JADE1: variants seen among roughly 807,000 people sequenced by gnomAD.
JADE1 encodes the protein protein Jade-1.
A neutral mutation model predicts 81.8 loss-of-function variants in JADE1; 14 were observed. That is an observed-to-expected ratio of 0.17 (90% confidence interval 0.11 to 0.27). JADE1 has a LOEUF of 0.27. Among genes scored for constraint, JADE1 ranks in the 10% least tolerant of loss-of-function variants. JADE1 has a pLI of 1.00. For synonymous variants in JADE1, 353 were observed against 391.9 expected (o/e 0.90, Z 1.17); for missense variants, 690 against 1,047.9 (o/e 0.66, Z 4.71).
At position 128,871,831 on chromosome 4, in the gene JADE1, G is replaced by C. The variant is rs1298196271; in HGVS notation, c.2098G>C (p.Ala700Pro). The C allele has an allele frequency of 5.0e-6, 8 of 1,614,118 alleles. No individual in the cohort carries two copies. The highest frequency in any genetic ancestry group is 6.8e-6 in the Non-Finnish European group (8 of 1,179,996). ...CCAGAGGCATCTGGACAACACAAGA[G>C]CTGCCACCTCCCCTGGAGTGGGGCA... ...VSQRHLDNTR[A>P]ATSPGVGQSA... The change falls in exon 11 of 11, where the codon GCT becomes CCT. Residue 700 changes from alanine (A) to proline (P), a missense_variant. Transcript: ENST00000226319. This position sits in a 1 kb window ranked among gnomAD's most constrained non-coding sequence, Gnocchi z 4.1.
Position 128,861,845 on chromosome 4 carries a change from G to A in JADE1, c.1123G>A (p.Glu375Lys), listed in dbSNP as rs753338723. 13 of 1,614,082 alleles carry A rather than the reference G, an allele frequency of 8.1e-6. No homozygotes were observed. In the Admixed American group the frequency reaches 1.3e-4, roughly 17 times the overall value. The change falls in exon 9 of 11, where the codon GAG becomes AAG. Residue 375 changes from glutamate (E) to lysine (K), a missense_variant. This residue lies in a region of JADE1 where 77 missense variants were observed against 76.4 expected (regional missense o/e 1.01). Coordinates refer to ENST00000226319, the MANE Select transcript of JADE1 (RefSeq NM_199320.4). Reference sequence around the variant, plus strand: ...AAAGCACAGCTCACATAGGAAACCCGAGGAGAGTCTTGGCAAGGGGGCTGC... The same window carrying A: ...AAAGCACAGCTCACATAGGAAACCCAAGGAGAGTCTTGGCAAGGGGGCTGC... ...CPKHSSHRKP[E>K]ESLGKGAAQE...
chr4:128,861,124 G>T (rs1410840603), intron 8 of JADE1, among the ~76,000 whole-genome samples: 1 of 152,204 alleles, frequency 6.6e-6, no homozygotes, highest in Non-Finnish European at 1.5e-5. Context: ...TCTTCCCAAG[G>T]AGGTTCTTAT....
intron 1 of JADE1, among the ~76,000 whole-genome samples, chr4:128,820,114 ATTTCTT>A (rs1170728180): frequency 2.0e-5 from 3 of 149,644 alleles, no homozygotes; most frequent in Admixed American, 6.6e-5. Flanking sequence ...TTTTGGGAAG[ATTTCTT>A]TTTTTTTTTG....
At chr4:128,831,695 T>G in intron 1 of JADE1, 38 bp from the exon 2 acceptor site, 2 of 1,568,650 alleles carry the variant, frequency 1.3e-6, no homozygotes, top group Non-Finnish European at 1.8e-6. Flanking sequence ...GATTGTGTAT[T>G]ATCATCTTGG....
intron 9 of JADE1, chr4:128,864,767 A>C: frequency 4.2e-6 from 1 of 237,078 alleles, no homozygotes; most frequent in Non-Finnish European, 6.9e-6. Context: ...ATAAGTAGCC[A>C]TCATTAGAAA....
In JADE1 at chr4:128,871,949, C is replaced by G. The variant is rs199581708; in HGVS notation, c.2216C>G (p.Thr739Arg). The G allele has an allele frequency of 2.3e-5, 37 of 1,613,974 alleles. No homozygotes were observed. The highest frequency in any genetic ancestry group is 3.1e-5 in the Non-Finnish European group (36 of 1,179,960). ...AATCAGACTGCAGTCAAAGTGCCTACAACACCTGCCAGCCCAGTGAAAAAC... is the reference window on the plus strand; with the variant it reads ...AATCAGACTGCAGTCAAAGTGCCTAGAACACCTGCCAGCCCAGTGAAAAAC... ...NYNQTAVKVP[T>R]TPASPVKNWG... Residue 739 changes from threonine to arginine, a missense_variant, in exon 11 of 11, where the codon ACA becomes AGA. Physicochemically the swap from Thr to Arg is moderately conservative, Grantham distance 71. This residue lies in a region of JADE1 where 218 missense variants were observed against 274.3 expected (regional missense o/e 0.79). Coordinates refer to ENST00000226319, the MANE Select transcript of JADE1 (RefSeq NM_199320.4). The surrounding 1 kb of genome is among the most constrained non-coding windows in gnomAD (Gnocchi z 4.1).
chr4:128,840,307 T>C (rs575011286), intron 2 of JADE1, among the ~76,000 whole-genome samples: 1 of 152,320 alleles, frequency 6.6e-6, no homozygotes, highest in Middle Eastern at 3.4e-3. Flanking sequence ...ATGAATTTGT[T>C]GTTTCTGCTT....
At chr4:128,857,539 G>A (rs1467109927) in intron 8 of JADE1, 85 bp downstream of exon 8, 16 of 1,105,166 alleles carry the variant, frequency 1.4e-5, no homozygotes, top group Non-Finnish European at 2.2e-5. Flanking sequence ...AACTGTCCAA[G>A]GGTTTGGAGA....
chr4:128,813,148 A>G (rs1190526302), intron 1 of JADE1, among the ~76,000 whole-genome samples: 3 of 152,220 alleles, frequency 2.0e-5, no homozygotes, highest in Non-Finnish European at 1.5e-5. Flanking sequence ...CAGATTTTAT[A>G]GTAAGTTGCA....
intron 1 of JADE1, among the ~76,000 whole-genome samples, chr4:128,814,567 C>CTT (rs376501164): frequency 0.024 from 3,240 of 135,174 alleles, 129 homozygotes; most frequent in African/African-American, 0.08. Context: ...AGGATTTTTT[C>CTT]TTTTTTTTTT....
At chr4:128,817,291 C>G (rs1382785529) in intron 1 of JADE1, among the ~76,000 whole-genome samples, 1 of 58,380 alleles carries the variant, frequency 1.7e-5, no homozygotes, top group African/African-American at 3.7e-5. Flanking sequence ...TCCTCCCGCC[C>G]TGGCTTCCTA....
chr4:128,861,416 G>A (rs1731314973), intron 8 of JADE1, among the ~76,000 whole-genome samples: 1 of 152,222 alleles, frequency 6.6e-6, no homozygotes. Context: ...TGTAATCCCA[G>A]CACTTTGGGA....
chr4:128,868,015 T>C, intron 10 of JADE1, 42 bp downstream of exon 10: 1 of 1,026,982 alleles, frequency 9.7e-7, no homozygotes, highest in South Asian at 1.4e-5. Flanking sequence ...AGGGCAGGGG[T>C]TTGTAAGCTT....
Position 128,857,040 on chromosome 4 carries a change from C to T in JADE1, c.865-298C>T, listed in dbSNP as rs148240566. Among the ~76,000 whole-genome samples the T allele has an allele frequency of 4.6e-5, 7 of 152,278 alleles. No individual in the cohort carries two copies. In the East Asian group the frequency reaches 5.8e-4, roughly 13 times the overall value. On this transcript the variant is annotated intron_variant, in intron 7 of 10. Transcript: ENST00000226319. ...TTTGTTATGAGCTAGAGATTATAGA[C>T]GGCATTGTCCTGGTACATGACTCTT...
intron 2 of JADE1, among the ~76,000 whole-genome samples, chr4:128,836,107 C>T (rs1728961139): frequency 6.6e-6 from 1 of 152,156 alleles, no homozygotes; most frequent in Non-Finnish European, 1.5e-5. Context: ...TAATTTTCTG[C>T]TTTCCAGCCC....
intron 9 of JADE1, among the ~76,000 whole-genome samples, chr4:128,867,346 AG>A (rs1275958491): frequency 6.6e-6 from 1 of 152,240 alleles, no homozygotes; most frequent in East Asian, 1.9e-4. Flanking sequence ...GGCCTGGTGC[AG>A]GGGGCTCCAC....
chr4:128,831,560 T>C (rs1214046606), intron 1 of JADE1, 173 bp from the exon 2 acceptor site: 4 of 578,540 alleles, frequency 6.9e-6, no homozygotes, highest in Non-Finnish European at 1.2e-5. Flanking sequence ...CCTGGTTTGT[T>C]AATGATTGCA....
intron 2 of JADE1, among the ~76,000 whole-genome samples, chr4:128,833,233 C>G (rs192848659): frequency 1.2e-4 from 19 of 152,240 alleles, no homozygotes; most frequent in African/African-American, 4.6e-4. Flanking sequence ...GTTTCATAAC[C>G]CTGCCTACCT....
intron 1 of JADE1, among the ~76,000 whole-genome samples, chr4:128,818,296 T>C (rs1050782631): frequency 1.3e-5 from 2 of 152,088 alleles, no homozygotes; most frequent in Admixed American, 6.6e-5. Context: ...AATTTTTGTA[T>C]TTTTAGTAGA....
Sources: allele counts gnomAD v4.1 joint callset (sites outside exome capture counted in the v4.1 genomes callset), GRCh38; gene constraint gnomAD v4.1.1; regional missense constraint gnomAD v4.1.1; non-coding constraint Gnocchi (gnomAD v3.1); transcripts MANE v1.5; gene names NCBI Gene and HGNC (gene_info 2026-07-23, HGNC 2026-07-21).